The following TEK variants were observed in gnomAD, a reference collection of about 807,000 sequenced individuals.
The protein encoded by TEK is angiopoietin-1 receptor.
A neutral mutation model predicts 131.8 loss-of-function variants in TEK; 43 were observed. The observed-to-expected ratio is 0.33, with a 90% CI of 0.26 to 0.42. The LOEUF (loss-of-function observed/expected upper bound fraction) is 0.42, where lower values mean the gene tolerates loss of function less well. Among genes scored for constraint, TEK ranks in the 10% least tolerant of loss-of-function variants. The pLI, the probability that TEK is intolerant of heterozygous loss-of-function variation, is 1.00. For missense variants in TEK, 1,162 were observed against 1,384.4 expected (o/e 0.84, Z 2.55); for synonymous variants, 580 against 491.6 (o/e 1.18, Z -2.38).
At position 27,215,539 on chromosome 9, in the gene TEK, G is replaced by C. The variant is rs74616379; in HGVS notation, c.2991+1942G>C. On this transcript the variant is annotated intron_variant, in intron 18 of 22. Transcript: ENST00000380036. ...TGGATATTCTGATTCAATTGGTCTA[G>C]GGTGAGAACCCTGCATTAGGGTTTT... 5.3e-3 allele frequency among the ~76,000 whole-genome samples: 790 copies of C among 149,206 alleles called. 8 individuals carry two copies. The highest frequency in any genetic ancestry group is 0.018 in the African/African-American group (740 of 40,392).
At chr9:27,137,896 C>G (rs150123539) in intron 1 of TEK, among the ~76,000 whole-genome samples, 1 of 152,030 alleles carries the variant, frequency 6.6e-6, no homozygotes, top group Non-Finnish European at 1.5e-5. Context: ...TGGACCCTTG[C>G]GGTGAGTGTT....
At chr9:27,197,222 G>T in intron 11 of TEK, 93 bp from the exon 12 acceptor site, 1 of 1,402,952 alleles carries the variant, frequency 7.1e-7, no homozygotes, top group African/African-American at 1.4e-5. Context: ...TCCAACACTG[G>T]GGATTACATT....
chr9:27,206,538 A>G (rs756594845), intron 14 of TEK, 44 bp from the exon 15 acceptor site: 121 of 1,585,244 alleles, frequency 7.6e-5, no homozygotes, highest in Middle Eastern at 1.7e-4. Context: ...CCTTAGAATT[A>G]TGAAAAATCC....
chr9:27,152,178 G>A (rs1053567121), intron 1 of TEK, among the ~76,000 whole-genome samples: 1 of 152,152 alleles, frequency 6.6e-6, no homozygotes, highest in African/African-American at 2.4e-5. Context: ...AAACCATACA[G>A]TGACCATACA....
intron 16 of TEK, among the ~76,000 whole-genome samples, chr9:27,211,338 C>G (rs1404617451): frequency 2.0e-5 from 3 of 148,324 alleles, no homozygotes; most frequent in Admixed American, 1.3e-4. Context: ...ACATGTATAC[C>G]ATAATTTAGG....
At chr9:27,110,995 G>A (rs1285731837) in intron 1 of TEK, among the ~76,000 whole-genome samples, 2 of 151,922 alleles carry the variant, frequency 1.3e-5, no homozygotes, top group Non-Finnish European at 2.9e-5. Context: ...TTATAGTGAT[G>A]TGAAGCCCAG....
intron 17 of TEK, 33 bp from the exon 18 acceptor site, chr9:27,213,451 G>A (rs1290079722): frequency 6.5e-7 from 1 of 1,544,250 alleles, no homozygotes; most frequent in East Asian, 2.3e-5. Context: ...CTTTCATTAG[G>A]CTGAAAATAC....
intron 3 of TEK, among the ~76,000 whole-genome samples, 176 bp from the exon 4 acceptor site, chr9:27,169,301 C>T (rs1454682661): frequency 1.3e-5 from 2 of 152,206 alleles, no homozygotes; most frequent in Non-Finnish European, 2.9e-5. Context: ...CTATGACTTT[C>T]TTGACTATTG....
intron 12 of TEK, 122 bp downstream of exon 12, chr9:27,197,721 C>A: frequency 8.4e-7 from 1 of 1,185,654 alleles, no homozygotes; most frequent in Non-Finnish European, 1.2e-6. Context: ...TGAGAGAAGG[C>A]TAATTAGTGC....
intron 4 of TEK, among the ~76,000 whole-genome samples, chr9:27,171,041 T>G (rs1332593965): frequency 1.3e-5 from 2 of 152,206 alleles, no homozygotes; most frequent in African/African-American, 4.8e-5. Flanking sequence ...AATCCCACAC[T>G]TCCCAGGTCA....
At chr9:27,196,478 C>A (rs1336133669) in intron 11 of TEK, among the ~76,000 whole-genome samples, 1 of 152,138 alleles carries the variant, frequency 6.6e-6, no homozygotes, top group African/African-American at 2.4e-5. Context: ...TAAAAGGTGC[C>A]CTTTAGCGCT....
chr9:27,196,476 G>A (rs1825014445), intron 11 of TEK, among the ~76,000 whole-genome samples: 1 of 152,174 alleles, frequency 6.6e-6, no homozygotes, highest in Non-Finnish European at 1.5e-5. Context: ...CTTAAAAGGT[G>A]CCCTTTAGCG....
intron 21 of TEK, 47 bp downstream of exon 21, chr9:27,220,192 G>C (rs1387987312): frequency 2.5e-6 from 4 of 1,592,204 alleles, no homozygotes; most frequent in Non-Finnish European, 3.4e-6. Context: ...CCTTCCCCCT[G>C]TGTGTTTCTG....
At chr9:27,147,043 G>A (rs1822952634) in intron 1 of TEK, among the ~76,000 whole-genome samples, 1 of 152,124 alleles carries the variant, frequency 6.6e-6, no homozygotes, top group African/African-American at 2.4e-5. Flanking sequence ...TTCATTGTAT[G>A]AATGTACATT....
intron 9 of TEK, among the ~76,000 whole-genome samples, chr9:27,186,237 G>C (rs1254844213): frequency 6.7e-6 from 1 of 149,254 alleles, no homozygotes; most frequent in Non-Finnish European, 1.5e-5. Context: ...GTGTAGATTT[G>C]TGGCTTGAGT....
chr9:27,123,326 C>G (rs1372703540), intron 1 of TEK, among the ~76,000 whole-genome samples: 1 of 151,958 alleles, frequency 6.6e-6, no homozygotes, highest in African/African-American at 2.4e-5. Context: ...TTCTCTCTGC[C>G]GTCATAGGCT....
intron 1 of TEK, among the ~76,000 whole-genome samples, chr9:27,128,263 G>A (rs1822068092): frequency 6.6e-6 from 1 of 152,084 alleles, no homozygotes; most frequent in South Asian, 2.1e-4. Flanking sequence ...TTTTTGTCAG[G>A]TTTGTTAAAG....
At chr9:27,219,402 C>T (rs147548967) in intron 20 of TEK, among the ~76,000 whole-genome samples, 4 of 152,202 alleles carry the variant, frequency 2.6e-5, no homozygotes, top group African/African-American at 7.2e-5. Flanking sequence ...AAACCAAACA[C>T]CACATGTTGT....
intron 1 of TEK, among the ~76,000 whole-genome samples, chr9:27,143,959 G>C (rs1822820798): frequency 6.6e-6 from 1 of 152,166 alleles, no homozygotes; most frequent in African/African-American, 2.4e-5. Context: ...TTGGAGGAAG[G>C]CAATGCAGAC....
Sources: allele counts gnomAD v4.1 joint callset (sites outside exome capture counted in the v4.1 genomes callset), GRCh38; gene constraint gnomAD v4.1.1; transcripts MANE v1.5; gene names NCBI Gene and HGNC (gene_info 2026-07-23, HGNC 2026-07-21).